The following PVR variants were observed in gnomAD, a reference collection of about 807,000 sequenced individuals.
PVR encodes the protein poliovirus receptor.
A neutral mutation model predicts 43.3 loss-of-function variants in PVR; 39 were observed. The observed-to-expected ratio is 0.90, with a 90% CI of 0.70 to 1.18. The LOEUF (loss-of-function observed/expected upper bound fraction) is 1.18. Ranked by LOEUF, PVR falls within the 50% of genes most tolerant of loss-of-function variation. The pLI, the probability that PVR is intolerant of heterozygous loss-of-function variation, is 0.00. For synonymous variants in PVR, 224 were observed against 233.2 expected, an observed-to-expected ratio of 0.96 and a Z score of 0.36; for missense variants, 480 against 549.7, an observed-to-expected ratio of 0.87 and a Z score of 1.27.
chr19:44,654,918 G>A (rs532527974), intron 4 of PVR, among the ~76,000 whole-genome samples: 1 of 152,146 alleles, frequency 6.6e-6, no homozygotes, highest in African/African-American at 2.4e-5. Flanking sequence ...TCTCTGGATG[G>A]AGCAAGTACT....
Position 44,647,548 on chromosome 19 carries a change from G to A in PVR, c.405G>A (p.Val135=). 1 of 1,612,792 alleles carries A rather than the reference G, an allele frequency of 6.2e-7. No homozygotes were observed. Among genetic ancestry groups the A allele is most frequent in the Non-Finnish European group, 8.5e-7 (1 of 1,179,248 alleles). ...CGTTCCCGCAGGGCAGCAGGAGCGTGGATATCTGGCTCCGAGTGCTTGGTG... is the reference window on the plus strand; with the variant it reads ...CGTTCCCGCAGGGCAGCAGGAGCGTAGATATCTGGCTCCGAGTGCTTGGTG... ...FVTFPQGSRS[V]DIWLRVLAKP... The change falls in exon 2 of 8, where the codon GTG becomes GTA. Residue 135 remains valine (V), a synonymous_variant. Coordinates refer to ENST00000425690, the MANE Select transcript of PVR (RefSeq NM_006505.5).
intron 2 of PVR, 101 bp downstream of exon 2, chr19:44,647,671 T>A: frequency 9.3e-5 from 42 of 451,650 alleles, no homozygotes; most frequent in Non-Finnish European, 1.3e-4. Flanking sequence ...GGAGGGAGAT[T>A]CCCTCCACAG....
intron 4 of PVR, 46 bp from the exon 5 acceptor site, chr19:44,657,716 C>T (rs372771122): frequency 9.1e-5 from 146 of 1,604,578 alleles, no homozygotes; most frequent in Non-Finnish European, 1.1e-4. Context: ...ACTGTCACTC[C>T]GGACCTGCAG....
intron 2 of PVR, among the ~76,000 whole-genome samples, chr19:44,648,676 TTTC>T (rs1161912446): frequency 2.6e-5 from 4 of 151,676 alleles, no homozygotes; most frequent in Non-Finnish European, 4.4e-5. Context: ...TTTGTTTTGT[TTTC>T]TTTTCTTTTT....
At chr19:44,647,118 G>C in intron 1 of PVR, 105 bp from the exon 2 acceptor site, 2 of 734,306 alleles carry the variant, frequency 2.7e-6, no homozygotes, top group South Asian at 1.9e-5. Context: ...GGGATCCAGG[G>C]CCCCAGCGTG....
At position 44,662,902 on chromosome 19, in the gene PVR, C is replaced by T. The variant is rs1002018346; in HGVS notation, c.*1091C>T. On this transcript the variant is annotated 3_prime_UTR_variant, in exon 8 of 8. Coordinates refer to ENST00000425690, the MANE Select transcript of PVR (RefSeq NM_006505.5). ...GGTCACCAGAGGCTGCAATTCAGGC[C>T]GCAAGCAGCTGCCTGGGGGGTGTCC... 3 of 152,162 alleles carry T rather than the reference C, an allele frequency of 2.0e-5. No homozygotes were observed. Among genetic ancestry groups the T allele is most frequent in the African/African-American group, 4.8e-5 (2 of 41,426 alleles). The allele number at this position is 152,162 out of a possible 1,614,324, so 9.4% of individuals were successfully genotyped here.
At chr19:44,657,444 G>A (rs1241290963) in intron 4 of PVR, among the ~76,000 whole-genome samples, 1 of 152,192 alleles carries the variant, frequency 6.6e-6, no homozygotes, top group African/African-American at 2.4e-5. Flanking sequence ...GGGAACAGAC[G>A]AGGGGGCGAG....
chr19:44,658,879 C>T lies in PVR; in HGVS notation c.1129C>T (p.His377Tyr), dbSNP rs1973524813. 6.2e-7 allele frequency: 1 copy of T among 1,614,010 alleles called. No individual in the cohort carries two copies. Among genetic ancestry groups the T allele is most frequent in the Non-Finnish European group, 8.5e-7 (1 of 1,179,954 alleles). Residue 377 changes from histidine to tyrosine, a missense_variant, in exon 6 of 8, where the codon CAC (histidine) becomes TAC (tyrosine). Transcript: ENST00000425690. ...CAAATGTTCCCGTGAGGTCCTTTGGCACTGTCATCTGTGTCCCTCGAGTGA... is the reference window on the plus strand; with the variant it reads ...CAAATGTTCCCGTGAGGTCCTTTGGTACTGTCATCTGTGTCCCTCGAGTGA... ...WSKCSREVLWHCHLCPSSTEH... is the reference protein window; with the variant it reads ...WSKCSREVLWYCHLCPSSTEH...
chr19:44,655,744 C>T (rs1973426109), intron 4 of PVR, among the ~76,000 whole-genome samples: 2 of 152,130 alleles, frequency 1.3e-5, no homozygotes, highest in African/African-American at 2.4e-5. Context: ...GATTCCACCA[C>T]GTGGATTCCC....
At chr19:44,661,434 G>A in intron 7 of PVR, 111 bp downstream of exon 7, 1 of 1,176,774 alleles carries the variant, frequency 8.5e-7, no homozygotes, top group Non-Finnish European at 1.3e-6. Context: ...TTCTCCTGGT[G>A]CCTCGAGCAG....
chr19:44,657,989 C>T, intron 5 of PVR, 79 bp downstream of exon 5: 1 of 1,455,196 alleles, frequency 6.9e-7, no homozygotes, highest in South Asian at 1.2e-5. Context: ...TGCTCTCTGG[C>T]TCCCATCCTT....
chr19:44,654,580 G>C (rs535964803), intron 4 of PVR, among the ~76,000 whole-genome samples: 141 of 152,306 alleles, frequency 9.3e-4, no homozygotes, highest in African/African-American at 3.4e-3. Flanking sequence ...ACAGTCAGCA[G>C]CTGTTGCCCT....
intron 3 of PVR, among the ~76,000 whole-genome samples, chr19:44,652,172 A>C (rs1203736266): frequency 1.3e-5 from 2 of 152,136 alleles, no homozygotes; most frequent in Non-Finnish European, 2.9e-5. Flanking sequence ...AAGAAAAGAA[A>C]GAGATGAAAT....
chr19:44,661,821 G>A lies in PVR; in HGVS notation c.*10G>A, dbSNP rs1973599976. 1.9e-6 allele frequency: 3 copies of A among 1,613,384 alleles called. No individual in the cohort carries two copies. Among genetic ancestry groups the A allele is most frequent in the Non-Finnish European group, 2.5e-6 (3 of 1,179,616 alleles). On this transcript the variant is annotated 3_prime_UTR_variant, in exon 8 of 8. Transcript: ENST00000425690. ...AGAGGGCACAAGGTGACAGCGTCGG[G>A]ACTGAGAGGGGAGAGAGACTGGAGC...
chr19:44,657,944 CA>C, intron 5 of PVR, 34 bp downstream of exon 5: 1 of 1,606,998 alleles, frequency 6.2e-7, no homozygotes. Flanking sequence ...GAACAGGGAC[CA>C]AAGGAAGAGG....
At position 44,665,626 on chromosome 19, in the gene PVR, C is replaced by T. The variant is rs1281941077; in HGVS notation, c.*3815C>T. On this transcript the variant is annotated 3_prime_UTR_variant, in exon 8 of 8. Transcript: ENST00000425690. The stretch of plus-strand genomic sequence containing the variant: ...TCCAGCCTGGGTGACAAGAGTGAGA[C>T]TCTGTCTCCAAAAAAAAAAAAAAAA... The T allele has an allele frequency of 7.8e-6, 1 of 127,784 alleles. No homozygotes were observed. The allele number at this position is 127,784 out of a possible 1,614,324, so 7.9% of individuals were successfully genotyped here.
At chr19:44,645,633 A>G (rs1204813961) in intron 1 of PVR, among the ~76,000 whole-genome samples, 1 of 150,020 alleles carries the variant, frequency 6.7e-6, no homozygotes, top group Non-Finnish European at 1.5e-5. Context: ...TTTTTTTTGT[A>G]TTTTTGGTAG....
intron 2 of PVR, among the ~76,000 whole-genome samples, chr19:44,648,895 A>G (rs1227147133): frequency 6.6e-6 from 1 of 152,180 alleles, no homozygotes; most frequent in Non-Finnish European, 1.5e-5. Flanking sequence ...GGTAAATAAT[A>G]TAGGTAATGA....
At chr19:44,648,707 A>G (rs1025102523) in intron 2 of PVR, among the ~76,000 whole-genome samples, 2 of 151,816 alleles carry the variant, frequency 1.3e-5, no homozygotes, top group Admixed American at 6.6e-5. Context: ...TGTGCCAAGA[A>G]CTATTCCAAG....
Sources: allele counts gnomAD v4.1 joint callset (sites outside exome capture counted in the v4.1 genomes callset), GRCh38; gene constraint gnomAD v4.1.1; transcripts MANE v1.5; gene names NCBI Gene and HGNC (gene_info 2026-07-23, HGNC 2026-07-21).